The following RPH3A variants were observed in gnomAD, a reference collection of about 807,000 sequenced individuals.
RPH3A encodes rabphilin 3A.
In RPH3A, 48 loss-of-function variants were observed where a neutral mutation model predicts 102.2. That is an observed-to-expected ratio of 0.47 (90% CI 0.37 to 0.60). The LOEUF (loss-of-function observed/expected upper bound fraction) is 0.60, where lower values mean the gene tolerates loss of function less well. Among genes scored for constraint, RPH3A ranks in the 20% least tolerant of loss-of-function variants. RPH3A has a pLI of 0.00. For missense variants in RPH3A, 781 were observed against 910.1 expected (o/e 0.86, Z 1.83); for synonymous variants, 310 against 324.3 (o/e 0.96, Z 0.47).
rs1279369551 is a variant in RPH3A at position 112,868,542 on chromosome 12, C to T, written c.557C>T (p.Ala186Val). The T allele has an allele frequency of 5.6e-6, 9 of 1,614,156 alleles. No homozygotes were observed. The highest frequency in any genetic ancestry group is 6.8e-6 in the Non-Finnish European group (8 of 1,180,016). Reference protein sequence around the residue: ...KPQQPVSEPAAPEQPAPEPKH... With the variant: ...KPQQPVSEPAVPEQPAPEPKH... ...CAGCAGCCTGTCAGTGAGCCTGCTG[C>T]CCCTGAACAGCCTGCTCCTGAGCCC... The change falls in exon 8 of 22, where the codon GCC becomes GTC. Residue 186 changes from alanine to valine, a missense_variant. By Grantham distance (64) the Ala-to-Val change is moderately conservative. Transcript: ENST00000389385.
At chr12:112,847,283 C>A (rs1223660806) in intron 4 of RPH3A, among the ~76,000 whole-genome samples, 2 of 152,146 alleles carry the variant, frequency 1.3e-5, no homozygotes, top group Non-Finnish European at 2.9e-5. Context: ...AGTTGGCAAC[C>A]AGTTTAAACT....
rs116311173 is a variant in RPH3A, at chr12:112,611,209, T to C, written c.-140+35890T>C. On this transcript the variant is annotated intron_variant, in intron 1 of 21. Coordinates refer to the RPH3A transcript ENST00000543106. ...TCTTTCTTACCTTTTAGCTTGTTAA[T>C]CAGTTTCACTGATCAAATGCAATGG... Among the ~76,000 whole-genome samples the C allele has an allele frequency of 7.1e-3, 1,077 of 152,342 alleles. 19 individuals carry two copies. Among genetic ancestry groups the C allele is most frequent in the African/African-American group, 0.025 (1,040 of 41,586 alleles).
At chr12:112,664,353 A>C (rs1271165614) in intron 1 of RPH3A, among the ~76,000 whole-genome samples, 1 of 152,124 alleles carries the variant, frequency 6.6e-6, no homozygotes, top group Non-Finnish European at 1.5e-5. Context: ...GGAGGTAAAC[A>C]ATCAGGTTCT....
intron 1 of RPH3A, among the ~76,000 whole-genome samples, chr12:112,751,644 T>C (rs2040786591): frequency 6.6e-6 from 1 of 152,192 alleles, no homozygotes; most frequent in Non-Finnish European, 1.5e-5. Context: ...AGGCTGGGCA[T>C]GGTAGCTCAT....
chr12:112,875,878 G>T, intron 12 of RPH3A, 137 bp downstream of exon 12: 1 of 647,344 alleles, frequency 1.5e-6, no homozygotes, highest in East Asian at 2.9e-5. Context: ...CAGCTCCCCC[G>T]AGTCTAAAAC....
At chr12:112,800,913 G>A (rs750864930) in intron 2 of RPH3A, among the ~76,000 whole-genome samples, 18 of 152,150 alleles carry the variant, frequency 1.2e-4, no homozygotes, top group Non-Finnish European at 2.2e-4. Context: ...GCAAATGCCC[G>A]TTCCACGCTA....
chr12:112,727,402 A>T (rs373520789), intron 1 of RPH3A, among the ~76,000 whole-genome samples: 3,056 of 130,604 alleles, frequency 0.023, 62 homozygotes, highest in Non-Finnish European at 0.037. Flanking sequence ...AAAAAAAAAA[A>T]AAAAATATAT....
rs1276160501 is a variant in RPH3A, at chr12:112,896,807, G to T, written c.*27G>T. 4 of 1,612,558 alleles carry T rather than the reference G, an allele frequency of 2.5e-6. No individual in the cohort carries two copies. The Admixed American group carries it at 6.7e-5, about 27-fold the overall frequency. ...CTAGTGCCCAGGTCCCCATCTCCAT[G>T]TCCCGGGTCCCCCCCAGCCTGCTCT... On this transcript the variant is annotated 3_prime_UTR_variant, in exon 22 of 22. Coordinates refer to ENST00000389385, the MANE Select transcript of RPH3A (RefSeq NM_001143854.2).
intron 3 of RPH3A, among the ~76,000 whole-genome samples, chr12:112,831,200 C>CTTG (rs56984625): frequency 0.78 from 117,931 of 151,204 alleles, 46,416 homozygotes; most frequent in African/African-American, 0.89. Context: ...TTTCTACTCT[C>CTTG]TTGTTTTTGT....
chr12:112,591,896 C>A (rs2039481704), intron 1 of RPH3A, among the ~76,000 whole-genome samples: 1 of 152,170 alleles, frequency 6.6e-6, no homozygotes, highest in Non-Finnish European at 1.5e-5. Flanking sequence ...TGGCAATCGT[C>A]CCTCAGTATC....
chr12:112,818,691 G>A (rs2041722881), intron 2 of RPH3A, among the ~76,000 whole-genome samples: 1 of 152,134 alleles, frequency 6.6e-6, no homozygotes, highest in South Asian at 2.1e-4. Flanking sequence ...AAGGACTAGG[G>A]TTGGATGAGC....
rs548377186 is a variant in RPH3A, at chr12:112,776,873, CAAAAAAAAAAAAAAAAAAAAA to C, written c.-139-15252_-139-15232del. ...TGGGCGACAGAGTGAGACTCCATCT[CAAAAAAAAAAAAAAAAAAAAA>C]AAAAAAAAAAAAAAAAAGAAAGTGC... is the stretch of plus-strand genomic sequence containing the variant. On this transcript the variant is annotated intron_variant, in intron 1 of 21. Transcript: ENST00000543106. 1.1e-4 allele frequency among the ~76,000 whole-genome samples: 8 copies of C among 73,920 alleles called. No homozygotes were observed. The East Asian group carries it at 1.3e-3, about 12-fold the overall frequency. The allele number at this position is 73,920 out of a possible 152,430, so 48.5% of individuals were successfully genotyped here.
chr12:112,833,209 A>G (rs976994130), intron 3 of RPH3A, among the ~76,000 whole-genome samples: 6 of 152,084 alleles, frequency 3.9e-5, no homozygotes, highest in African/African-American at 1.4e-4. Context: ...TCTGTTATTT[A>G]TGTCTATTAT....
intron 13 of RPH3A, among the ~76,000 whole-genome samples, chr12:112,878,481 A>C (rs1422912066): frequency 6.6e-6 from 1 of 151,824 alleles, no homozygotes; most frequent in East Asian, 1.9e-4. Context: ...GATATCATGG[A>C]AAAAAAAAGA....
At chr12:112,683,556 A>G (rs1373954352) in intron 1 of RPH3A, among the ~76,000 whole-genome samples, 1 of 152,186 alleles carries the variant, frequency 6.6e-6, no homozygotes. Context: ...AACTGAGGAT[A>G]CCAGAAAACC....
chr12:112,708,268 A>G (rs1160188251), intron 1 of RPH3A, among the ~76,000 whole-genome samples: 2 of 152,156 alleles, frequency 1.3e-5, no homozygotes, highest in Non-Finnish European at 2.9e-5. Context: ...TCTGGCATGT[A>G]ATTCTCGTTA....
At chr12:112,618,809 AT>A (rs1374602542) in intron 1 of RPH3A, among the ~76,000 whole-genome samples, 4 of 152,184 alleles carry the variant, frequency 2.6e-5, no homozygotes, top group Non-Finnish European at 4.4e-5. Flanking sequence ...ATTTTAGAAC[AT>A]TTTGGTCTCT....
At chr12:112,837,258 C>A (rs74980798) in intron 4 of RPH3A, among the ~76,000 whole-genome samples, 6,814 of 152,246 alleles carry the variant, frequency 0.045, 234 homozygotes, top group Non-Finnish European at 0.075. Flanking sequence ...GTAAAATAGG[C>A]ACAATAACCC....
At chr12:112,594,001 A>G (rs1170310683) in intron 1 of RPH3A, among the ~76,000 whole-genome samples, 1 of 152,144 alleles carries the variant, frequency 6.6e-6, no homozygotes, top group African/African-American at 2.4e-5. Context: ...GTTTTGCTCA[A>G]TGTGGTATAT....
Sources: gnomAD v4.1 joint callset for allele counts (sites outside exome capture counted in the v4.1 genomes callset) on GRCh38, gnomAD v4.1.1 for gene constraint, MANE v1.5 for transcripts, NCBI Gene and HGNC (gene_info 2026-07-23, HGNC 2026-07-21) for gene names.